The following IRAG2 variants were observed in gnomAD, a reference collection of about 807,000 sequenced individuals.
The protein encoded by IRAG2 is lymphoid restricted membrane protein.
In IRAG2, 45 loss-of-function variants were observed where a neutral mutation model predicts 69.9. That is an observed-to-expected ratio of 0.64 (90% CI 0.51 to 0.83). The LOEUF is 0.83. Among genes scored for constraint, IRAG2 ranks in the 40% least tolerant of loss-of-function variants. The probability of loss-of-function intolerance (pLI) is 0.00; values close to 1 mark genes in which losing one functional copy is unlikely to be tolerated. For missense variants in IRAG2, 520 were observed against 587.0 expected (o/e 0.89, Z 1.18); for synonymous variants, 193 against 202.4 (o/e 0.95, Z 0.40).
chr12:25,094,367 G>A (rs1370765765), intron 14 of IRAG2, among the ~76,000 whole-genome samples: 1 of 151,936 alleles, frequency 6.6e-6, no homozygotes, highest in Non-Finnish European at 1.5e-5. Context: ...GTGGATTCTT[G>A]GCACCCTGGT....
At chr12:25,078,943 C>T (rs149202887) in intron 6 of IRAG2, among the ~76,000 whole-genome samples, 2 of 152,260 alleles carry the variant, frequency 1.3e-5, no homozygotes, top group Non-Finnish European at 2.9e-5. Context: ...TTGACTTAAG[C>T]GTATGAAATA....
In IRAG2 at chr12:25,079,195, T is replaced by A. The variant is rs115473705; in HGVS notation, c.25-49T>A. Reference sequence around the variant, plus strand: ...TTTGCTTAAAACAACCTCTTTGGAATGGAAAATGTCAAATTGTTGAACTTA... The same window carrying A: ...TTTGCTTAAAACAACCTCTTTGGAAAGGAAAATGTCAAATTGTTGAACTTA... On this transcript the variant is annotated intron_variant, in intron 6 of 21. Coordinates refer to ENST00000556887, the MANE Select transcript of IRAG2 (RefSeq NM_001366544.2). 1.6e-3 allele frequency: 2,590 copies of A among 1,594,258 alleles called. 42 individuals carry two copies. The African/African-American group carries it at 0.031, about 19-fold the overall frequency.
intron 9 of IRAG2, 104 bp from the exon 10 acceptor site, chr12:25,083,319 C>A (rs1035419673): frequency 6.4e-6 from 5 of 776,656 alleles, no homozygotes; most frequent in East Asian, 2.4e-5. Context: ...ATGTTAAGAC[C>A]TTTGTCAGTT....
At chr12:25,107,397 C>T (rs1280513315) in intron 21 of IRAG2, among the ~76,000 whole-genome samples, 1 of 152,158 alleles carries the variant, frequency 6.6e-6, no homozygotes, top group Non-Finnish European at 1.5e-5. Context: ...CAGCTTCAGG[C>T]ATCCACTGGA....
intron 6 of IRAG2, chr12:25,076,453 G>A (rs1946695354): frequency 2.0e-6 from 2 of 982,740 alleles, no homozygotes; most frequent in Non-Finnish European, 2.4e-6. Flanking sequence ...TAACATAATG[G>A]AGGCAAACTG....
chr12:25,085,536 C>T (rs1404233787), intron 10 of IRAG2, among the ~76,000 whole-genome samples: 1 of 152,196 alleles, frequency 6.6e-6, no homozygotes, highest in Non-Finnish European at 1.5e-5. Flanking sequence ...ACTTCAGCTG[C>T]TTGTGTTGTG....
At chr12:25,033,417 T>C (rs1370881370) in intron 12 of IRAG2, among the ~76,000 whole-genome samples, 2 of 152,232 alleles carry the variant, frequency 1.3e-5, no homozygotes, top group Admixed American at 6.5e-5. Flanking sequence ...TAATGGAATA[T>C]GCACGCATCT....
chr12:25,051,584 G>T (rs1944873491), upstream of IRAG2, among the ~76,000 whole-genome samples: 1 of 152,168 alleles, frequency 6.6e-6, no homozygotes, highest in Non-Finnish European at 1.5e-5. Flanking sequence ...GATTAGAATT[G>T]GATCCAAATG....
intron 10 of IRAG2, among the ~76,000 whole-genome samples, chr12:25,087,800 G>T (rs1183340685): frequency 6.6e-6 from 1 of 152,084 alleles, no homozygotes; most frequent in African/African-American, 2.4e-5. Flanking sequence ...GGTGGCATTA[G>T]ATTCCCACGA....
chr12:25,039,504 C>T (rs1220797714), intron 16 of IRAG2, among the ~76,000 whole-genome samples: 5 of 152,206 alleles, frequency 3.3e-5, no homozygotes, highest in African/African-American at 1.2e-4. Context: ...GATCTCTGCT[C>T]ACTGCAAGCT....
chr12:25,029,207 C>T (rs1282420627), intron 9 of IRAG2, among the ~76,000 whole-genome samples: 1 of 152,226 alleles, frequency 6.6e-6, no homozygotes, highest in Non-Finnish European at 1.5e-5. Flanking sequence ...CATGGGATTA[C>T]AGCTGTAAGC....
At chr12:25,045,948 CT>C (rs1464556594) in intron 16 of IRAG2, among the ~76,000 whole-genome samples, 2 of 151,514 alleles carry the variant, frequency 1.3e-5, no homozygotes, top group African/African-American at 4.8e-5. Context: ...GCCAGTACCC[CT>C]GATGATGCAA....
intron 6 of IRAG2, among the ~76,000 whole-genome samples, chr12:25,070,038 A>G (rs1038612218): frequency 2.4e-4 from 36 of 152,316 alleles, no homozygotes; most frequent in African/African-American, 8.7e-4. Flanking sequence ...GATCTTCTCA[A>G]TCAAACAGAG....
chr12:25,101,086 A>G, intron 15 of IRAG2, 92 bp from the exon 16 acceptor site: 1 of 1,080,386 alleles, frequency 9.3e-7, no homozygotes, highest in Non-Finnish European at 1.3e-6. Context: ...AGTGGGATTT[A>G]GGAATGGAGT....
At chr12:25,071,093 G>C (rs190279955) in intron 6 of IRAG2, among the ~76,000 whole-genome samples, 1 of 152,218 alleles carries the variant, frequency 6.6e-6, no homozygotes, top group East Asian at 1.9e-4. Context: ...AAAAGGAAAT[G>C]AATCTATTTT....
In IRAG2 at chr12:25,101,280, G is replaced by C. The variant is rs1555144272; in HGVS notation, c.844G>C (p.Val282Leu). The C allele has an allele frequency of 4.3e-6, 7 of 1,610,890 alleles. No homozygotes were observed. Among genetic ancestry groups the C allele is most frequent in the Non-Finnish European group, 5.9e-6 (7 of 1,178,194 alleles). The change falls in exon 16 of 22, where the codon GTT becomes CTT. Residue 282 changes from valine (V) to leucine (L), a missense_variant. Transcript: ENST00000556887. ...EHAELEELKQVLLQNERSFNP... is the reference protein window; with the variant it reads ...EHAELEELKQLLLQNERSFNP... ...CGCTGAATTAGAAGAACTGAAACAG[G>C]TTCTTCTGCAGAATGAAAGGTCTTT...
rs776296651 is a variant in IRAG2, at chr12:25,104,029, T to A, written c.1017T>A (p.Asn339Lys). The A allele has an allele frequency of 4.3e-6, 7 of 1,613,574 alleles. No homozygotes were observed. The East Asian group carries it at 1.6e-4, about 36-fold the overall frequency. The change falls in exon 19 of 22, where the codon AAT becomes AAA. Residue 339 changes from asparagine (N) to lysine (K), a missense_variant. Asn to Lys is a moderately conservative substitution (Grantham distance 94, BLOSUM62 0). Coordinates refer to ENST00000556887, the MANE Select transcript of IRAG2 (RefSeq NM_001366544.2). ...NAGMVAGMEN[N>K]DRFSRRSSSW... ...TAAAGGTGGCTGGGATGGAAAATAA[T>A]GATCGATTCAGTAGAAGGTCAAGCA...
intron 5 of IRAG2, among the ~76,000 whole-genome samples, chr12:25,016,210 A>G (rs373821554): frequency 6.5e-4 from 99 of 152,040 alleles, no homozygotes; most frequent in African/African-American, 2.2e-3. Flanking sequence ...AAAAAAAAGA[A>G]AAGTGGAGTG....
At chr12:25,094,838 T>C (rs1308159825) in intron 14 of IRAG2, among the ~76,000 whole-genome samples, 1 of 152,222 alleles carries the variant, frequency 6.6e-6, no homozygotes, top group Admixed American at 6.5e-5. Context: ...TTTGATGCTA[T>C]TGTAAAGGGA....
Sources: gnomAD v4.1 joint callset for allele counts (sites outside exome capture counted in the v4.1 genomes callset) on GRCh38, gnomAD v4.1.1 for gene constraint, MANE v1.5 for transcripts, NCBI Gene and HGNC (gene_info 2026-07-23, HGNC 2026-07-21) for gene names.